Variants in ADGRL3 observed in about 807,000 individuals in gnomAD.
ADGRL3 encodes calcium-independent alpha-latrotoxin receptor 3.
In ADGRL3, 62 loss-of-function variants were observed where a neutral mutation model predicts 153.5. The ratio of observed to expected loss-of-function variants is 0.40; its 90% confidence interval spans 0.33 to 0.50. The LOEUF is 0.50. ADGRL3 is among the 20% of genes least tolerant of loss of function. The pLI, the probability that ADGRL3 is intolerant of heterozygous loss-of-function variation, is 0.47. For missense variants in ADGRL3, 1,641 were observed against 1,859.4 expected (o/e 0.88, Z 2.16); for synonymous variants, 710 against 672.5 (o/e 1.06, Z -0.86).
intron 5 of ADGRL3, among the ~76,000 whole-genome samples, chr4:61,619,211 A>C (rs911869313): frequency 6.6e-6 from 1 of 152,156 alleles, no homozygotes; most frequent in Admixed American, 6.5e-5. Flanking sequence ...CTGTCTTTGT[A>C]ATCTACCAGT....
At chr4:61,977,910 A>G (rs1581717308) in intron 17 of ADGRL3, among the ~76,000 whole-genome samples, 1 of 152,242 alleles carries the variant, frequency 6.6e-6, no homozygotes, top group African/African-American at 2.4e-5. Flanking sequence ...TTGAGTGAGC[A>G]TAGTGCCCAA....
At chr4:61,249,818 C>G (rs1333371186) in intron 1 of ADGRL3, among the ~76,000 whole-genome samples, 1 of 152,144 alleles carries the variant, frequency 6.6e-6, no homozygotes, top group South Asian at 2.1e-4. Context: ...GAGTGGCTTT[C>G]TCATGGTAGT....
intron 1 of ADGRL3, among the ~76,000 whole-genome samples, chr4:61,349,331 A>G (rs1480535260): frequency 6.6e-6 from 1 of 152,122 alleles, no homozygotes; most frequent in Non-Finnish European, 1.5e-5. Context: ...AGCAGATAAT[A>G]GTAATTTTTA....
rs975200464 is a variant in ADGRL3 at position 61,892,595 on chromosome 4, A to G, written c.1481-61A>G. Reference sequence around the variant, plus strand: ...TAAAAACAATTTCTAAAGTACTAGGACATCTTGAGGTCCTCCTGTGAACAA... The same window carrying G: ...TAAAAACAATTTCTAAAGTACTAGGGCATCTTGAGGTCCTCCTGTGAACAA... On this transcript the variant is annotated intron_variant, in intron 9 of 26. Transcript: ENST00000683033. The G allele has an allele frequency of 3.4e-6, 4 of 1,174,940 alleles. No individual in the cohort carries two copies. In the Admixed American group the frequency reaches 5.2e-5, roughly 15 times the overall value. 72.8% of individuals were successfully genotyped at this position (1,174,940 alleles called of 1,614,324 possible). A position where few individuals can be genotyped will look rare whatever the true frequency, so the allele number is the denominator to read the frequency against.
intron 2 of ADGRL3, among the ~76,000 whole-genome samples, chr4:61,492,717 G>A (rs1399531456): frequency 6.6e-6 from 1 of 152,032 alleles, no homozygotes. Flanking sequence ...GAGTATAATT[G>A]TGTTAGATTT....
intron 2 of ADGRL3, among the ~76,000 whole-genome samples, chr4:61,456,240 A>G (rs1475650264): frequency 6.6e-6 from 1 of 150,980 alleles, no homozygotes; most frequent in Non-Finnish European, 1.5e-5. Flanking sequence ...GGCTATTCAT[A>G]AAATAATTTT....
intron 2 of ADGRL3, among the ~76,000 whole-genome samples, chr4:61,443,250 A>G (rs1578885247): frequency 2.6e-5 from 4 of 152,284 alleles, no homozygotes; most frequent in African/African-American, 7.2e-5. Context: ...GTTCTTTGCA[A>G]ATAAATACTC....
chr4:61,586,517 C>T (rs1481351624), intron 4 of ADGRL3, among the ~76,000 whole-genome samples: 1 of 151,794 alleles, frequency 6.6e-6, no homozygotes, highest in Non-Finnish European at 1.5e-5. Flanking sequence ...TGTGATACTA[C>T]CTGAGTAAAA....
At chr4:61,975,502 T>C (rs2099044817) in intron 17 of ADGRL3, among the ~76,000 whole-genome samples, 1 of 152,212 alleles carries the variant, frequency 6.6e-6, no homozygotes, top group South Asian at 2.1e-4. Flanking sequence ...TTCTTAGGGC[T>C]ATCTAAGGCT....
intron 21 of ADGRL3, among the ~76,000 whole-genome samples, chr4:62,019,484 T>G (rs184900026): frequency 6.4e-4 from 98 of 152,238 alleles, no homozygotes; most frequent in African/African-American, 2.0e-3. Flanking sequence ...TTTTGTGATG[T>G]AGCTTTTTAT....
At chr4:62,008,939 T>C (rs2099171197) in intron 21 of ADGRL3, among the ~76,000 whole-genome samples, 1 of 152,134 alleles carries the variant, frequency 6.6e-6, no homozygotes, top group African/African-American at 2.4e-5. Context: ...CAAATACTTT[T>C]GTGTTACAGT....
Position 62,034,838 on chromosome 4 carries a change from A to G in ADGRL3, c.3592-2893A>G, listed in dbSNP as rs575841827. ...AAGTGGTCACTTTTACTTTTGTCATACATTCAAATATTTGATATATTCCCA... is the reference window on the plus strand; with the variant it reads ...AAGTGGTCACTTTTACTTTTGTCATGCATTCAAATATTTGATATATTCCCA... On this transcript the variant is annotated intron_variant, in intron 23 of 26. Transcript: ENST00000683033. 7.2e-5 allele frequency among the ~76,000 whole-genome samples: 11 copies of G among 151,986 alleles called. No homozygotes were observed. In the South Asian group the frequency reaches 1.2e-3, roughly 17 times the overall value.
chr4:61,404,955 G>T (rs1260664489), intron 2 of ADGRL3, among the ~76,000 whole-genome samples: 1 of 151,994 alleles, frequency 6.6e-6, no homozygotes, highest in Non-Finnish European at 1.5e-5. Context: ...AAAATGATGG[G>T]ATACATATAA....
At chr4:61,749,593 G>T (rs1259862206) in intron 8 of ADGRL3, among the ~76,000 whole-genome samples, 1 of 152,014 alleles carries the variant, frequency 6.6e-6, no homozygotes, top group Non-Finnish European at 1.5e-5. Context: ...ATCATTCTCA[G>T]TAAACTATCA....
At chr4:62,066,259 G>A (rs1253478146) in intron 25 of ADGRL3, among the ~76,000 whole-genome samples, 1 of 151,944 alleles carries the variant, frequency 6.6e-6, no homozygotes, top group Non-Finnish European at 1.5e-5. Context: ...TAGGTGGCTC[G>A]GTATGTACTG....
At chr4:61,723,946 G>A (rs72638560) in intron 6 of ADGRL3, among the ~76,000 whole-genome samples, 2 of 152,256 alleles carry the variant, frequency 1.3e-5, no homozygotes, top group African/African-American at 2.4e-5. Context: ...GAAATAAAAT[G>A]ATTCACAGAT....
intron 2 of ADGRL3, among the ~76,000 whole-genome samples, chr4:61,440,588 A>G (rs951343961): frequency 3.3e-5 from 5 of 152,146 alleles, no homozygotes; most frequent in African/African-American, 4.8e-5. Context: ...TCTTAAGAAC[A>G]TGATTGAGTG....
At chr4:61,471,105 C>A (rs1291984651) in intron 2 of ADGRL3, among the ~76,000 whole-genome samples, 1 of 151,692 alleles carries the variant, frequency 6.6e-6, no homozygotes, top group Non-Finnish European at 1.5e-5. Context: ...TGCTTGAATT[C>A]ATTATTCCTT....
At chr4:61,528,555 G>T (rs1256093430) in intron 4 of ADGRL3, among the ~76,000 whole-genome samples, 1 of 152,064 alleles carries the variant, frequency 6.6e-6, no homozygotes, top group Non-Finnish European at 1.5e-5. Context: ...GATTTATATA[G>T]ATTCAACAAT....
Sources: gnomAD v4.1 joint callset for allele counts (sites outside exome capture counted in the v4.1 genomes callset) on GRCh38, gnomAD v4.1.1 for gene constraint, MANE v1.5 for transcripts, NCBI Gene and HGNC (gene_info 2026-07-23, HGNC 2026-07-21) for gene names.